The following R3HDM2 variants were observed in gnomAD, a reference collection of about 807,000 sequenced individuals.
The protein encoded by R3HDM2 is R3H domain containing 2.
A neutral mutation model predicts 124.5 loss-of-function variants in R3HDM2; 38 were observed. The ratio of observed to expected loss-of-function variants is 0.31; its 90% CI spans 0.24 to 0.40. The LOEUF (loss-of-function observed/expected upper bound fraction) is 0.40, where lower values mean the gene tolerates loss of function less well. R3HDM2 is among the 10% of genes least tolerant of loss of function. The probability of loss-of-function intolerance (pLI) is 1.00; values close to 1 mark genes in which losing one functional copy is unlikely to be tolerated. For synonymous variants in R3HDM2, 391 were observed against 448.0 expected (o/e 0.87, Z 1.61); for missense variants, 869 against 1,236.9 (o/e 0.70, Z 4.46).
chr12:57,425,004 G>A (rs1383278793), intron 1 of R3HDM2, among the ~76,000 whole-genome samples: 1 of 152,202 alleles, frequency 6.6e-6, no homozygotes, highest in Non-Finnish European at 1.5e-5. Context: ...CAGGTGCGGT[G>A]GCTCACGCCT....
chr12:57,268,270 G>A, intron 18 of R3HDM2, 33 bp downstream of exon 18: 1 of 1,603,426 alleles, frequency 6.2e-7, no homozygotes. Context: ...GTCTATGGGA[G>A]ATGTCCTGTC....
intron 2 of R3HDM2, among the ~76,000 whole-genome samples, chr12:57,386,380 T>G (rs1421228498): frequency 2.6e-5 from 4 of 152,070 alleles, no homozygotes; most frequent in Admixed American, 2.6e-4. Flanking sequence ...CGGGTGGGAG[T>G]GGGCTCGGCA....
At chr12:57,302,464 G>A (rs973395254) in intron 4 of R3HDM2, among the ~76,000 whole-genome samples, 4 of 151,220 alleles carry the variant, frequency 2.6e-5, no homozygotes, top group East Asian at 2.0e-4. Context: ...TCAGGAGTTC[G>A]AGACCAGCCT....
At position 57,256,044 on chromosome 12, in the gene R3HDM2, C is replaced by G; in HGVS notation, c.2578G>C (p.Gly860Arg). 6.2e-7 allele frequency: 1 copy of G among 1,614,054 alleles called. No individual in the cohort carries two copies. The highest frequency in any genetic ancestry group is 8.5e-7 in the Non-Finnish European group (1 of 1,180,004). Residue 860 changes from glycine to arginine, a missense_variant, in exon 23 of 24, where the codon GGC becomes CGC. Physicochemically the swap from Gly to Arg is moderately radical, Grantham distance 125. Coordinates refer to ENST00000402412, the MANE Select transcript of R3HDM2 (RefSeq NM_001394031.1). The stretch of plus-strand genomic sequence containing the variant: ...GCAGATTTGAGTGCTTGTCTCTTGC[C>G]CCGGTTTCCATGCTTCAGTCCACTC... The part of the protein sequence containing the change: ...GQSGLKHGNR[G>R]KRQALKSAST...
chr12:57,344,156 T>C (rs2059874062), intron 2 of R3HDM2, among the ~76,000 whole-genome samples: 1 of 152,212 alleles, frequency 6.6e-6, no homozygotes, highest in African/African-American at 2.4e-5. Flanking sequence ...ATTCAGTACG[T>C]ATCTCCTAAC....
At chr12:57,334,478 C>CTT (rs542776584) in intron 2 of R3HDM2, among the ~76,000 whole-genome samples, 24 of 145,928 alleles carry the variant, frequency 1.6e-4, no homozygotes, top group African/African-American at 4.7e-4. Flanking sequence ...TTTCCCTTGC[C>CTT]TTTTTTTTTT....
chr12:57,336,883 A>AT (rs1378730509), intron 2 of R3HDM2, among the ~76,000 whole-genome samples: 1 of 151,938 alleles, frequency 6.6e-6, no homozygotes, highest in Non-Finnish European at 1.5e-5. Flanking sequence ...GGCAATGCTA[A>AT]TGTTTACATT....
At chr12:57,294,606 A>T (rs1592868569) in intron 10 of R3HDM2, among the ~76,000 whole-genome samples, 1 of 152,156 alleles carries the variant, frequency 6.6e-6, no homozygotes, top group Non-Finnish European at 1.5e-5. Flanking sequence ...AATTAGCAAG[A>T]TTAATGTAGG....
At chr12:57,385,979 C>G (rs1392066950) in intron 2 of R3HDM2, among the ~76,000 whole-genome samples, 1 of 152,106 alleles carries the variant, frequency 6.6e-6, no homozygotes, top group Non-Finnish European at 1.5e-5. Context: ...AATGAAAATG[C>G]AGTTATGAGA....
rs2060329476 is a variant in R3HDM2 at position 57,348,719 on chromosome 12, AAAG to A, written c.-35-38259_-35-38257del. Among the ~76,000 whole-genome samples the A allele has an allele frequency of 3.7e-4, 5 of 13,382 alleles. 1 individual carries two copies. Among genetic ancestry groups the A allele is most frequent in the African/African-American group, 9.2e-4 (5 of 5,416 alleles). The allele number at this position is 13,382 out of a possible 152,430, so 8.8% of individuals were successfully genotyped here. On this transcript the variant is annotated intron_variant, in intron 2 of 23. Coordinates refer to ENST00000402412, the MANE Select transcript of R3HDM2 (RefSeq NM_001394031.1). ...AAAAAAAAAAAAAAAAAAAAAAAAA[AAAG>A]AGAGAGAAAAATTAGCCAGGCATGG... is the stretch of plus-strand genomic sequence containing the variant.
intron 4 of R3HDM2, among the ~76,000 whole-genome samples, chr12:57,300,959 C>G (rs2050995164): frequency 6.6e-6 from 1 of 151,684 alleles, no homozygotes; most frequent in Non-Finnish European, 1.5e-5. Context: ...TAAAAATTAG[C>G]TGGCCATGGT....
chr12:57,286,719 A>C (rs546696171), intron 12 of R3HDM2, among the ~76,000 whole-genome samples: 1 of 152,270 alleles, frequency 6.6e-6, no homozygotes, highest in Admixed American at 6.5e-5. Context: ...TCTCTACTAA[A>C]AACACAAAAT....
chr12:57,391,667 T>C (rs1435054417), intron 2 of R3HDM2, among the ~76,000 whole-genome samples: 1 of 152,246 alleles, frequency 6.6e-6, no homozygotes, highest in East Asian at 1.9e-4. Flanking sequence ...ACTATAGTTA[T>C]GTGATGTTAC....
intron 13 of R3HDM2, among the ~76,000 whole-genome samples, chr12:57,283,076 T>C (rs2046550097): frequency 6.6e-6 from 1 of 152,178 alleles, no homozygotes; most frequent in South Asian, 2.1e-4. Context: ...GAAGCAGCCA[T>C]AGCAGCATCC....
At chr12:57,366,758 T>G (rs759542539) in intron 2 of R3HDM2, among the ~76,000 whole-genome samples, 1 of 152,106 alleles carries the variant, frequency 6.6e-6, no homozygotes, top group Admixed American at 6.6e-5. Flanking sequence ...GGCGCGATCT[T>G]GGCTCACTGC....
At chr12:57,410,318 T>TAAAAAAAAAAA (rs56412130) in intron 1 of R3HDM2, among the ~76,000 whole-genome samples, 1 of 100,142 alleles carries the variant, frequency 1.0e-5, no homozygotes, top group Non-Finnish European at 2.0e-5. Flanking sequence ...AGTATAACCT[T>TAAAAAAAAAAA]AAAAAAAAAA....
chr12:57,430,673 ACAGGCCGTC>A (rs1346695704), intron 1 of R3HDM2, 38 bp downstream of exon 1: 1 of 784,918 alleles, frequency 1.3e-6, no homozygotes, highest in African/African-American at 1.9e-5. Flanking sequence ...CCCCCTCCCC[ACAGGCCGTC>A]CGGGCCGCCC....
chr12:57,376,955 A>ATT (rs2064140587), intron 2 of R3HDM2, among the ~76,000 whole-genome samples: 1 of 138,716 alleles, frequency 7.2e-6, no homozygotes, highest in Non-Finnish European at 1.6e-5. Flanking sequence ...AGTAAAAAAA[A>ATT]TAAAAAATAA....
At chr12:57,303,404 G>T (rs1164058884) in intron 3 of R3HDM2, among the ~76,000 whole-genome samples, 187 bp from the exon 4 acceptor site, 1 of 152,088 alleles carries the variant, frequency 6.6e-6, no homozygotes, top group Non-Finnish European at 1.5e-5. Context: ...ACAGGAAAGG[G>T]ACTACAGGCC....
Sources: gnomAD v4.1 joint callset for allele counts (sites outside exome capture counted in the v4.1 genomes callset) on GRCh38, gnomAD v4.1.1 for gene constraint, MANE v1.5 for transcripts, NCBI Gene and HGNC (gene_info 2026-07-23, HGNC 2026-07-21) for gene names.